Variants in KCNH6 observed in about 807,000 individuals in gnomAD.
The protein encoded by KCNH6 is potassium voltage-gated channel subfamily H member 6.
Under a neutral mutation model 83.4 loss-of-function variants are expected in KCNH6, and 81 were observed. That is an observed-to-expected ratio of 0.97 (90% CI 0.81 to 1.17). The LOEUF (loss-of-function observed/expected upper bound fraction) is 1.17, where lower values mean the gene tolerates loss of function less well. Among genes scored for constraint, KCNH6 ranks in the 50% most tolerant of loss-of-function variants. The pLI is 0.00. For synonymous variants in KCNH6, 503 were observed against 545.6 expected (o/e 0.92, Z 1.09); for missense variants, 1,203 against 1,290.5 (o/e 0.93, Z 1.04).
At position 63,533,479 on chromosome 17, in the gene KCNH6, A is replaced by G. The variant is rs972274404; in HGVS notation, c.676-407A>G. Among the ~76,000 whole-genome samples, 6 of 151,962 alleles carry G rather than the reference A, an allele frequency of 3.9e-5. No homozygotes were observed. Among genetic ancestry groups the G allele is most frequent in the African/African-American group, 1.5e-4 (6 of 41,346 alleles). ...AACCCTGACCATAGGGAGCCTCCTAAGCTCACCAGAGAGGATCAGCCCATC... is the reference window on the plus strand; with the variant it reads ...AACCCTGACCATAGGGAGCCTCCTAGGCTCACCAGAGAGGATCAGCCCATC... On this transcript the variant is annotated intron_variant, in intron 4 of 12. Transcript: ENST00000314672. The surrounding 1 kb of genome is among the most constrained non-coding windows in gnomAD (Gnocchi z 4.1).
chr17:63,536,034 G>A lies in KCNH6; in HGVS notation c.1467G>A (p.Glu489=), dbSNP rs2032476518. Residue 489 remains glutamate, a synonymous_variant, in exon 6 of 13, where the codon GAG becomes GAA. Coordinates refer to ENST00000314672, the MANE Select transcript of KCNH6 (RefSeq NM_001278919.2). ...FGNVSPNTNS[E]KVFSICVMLI... ...ATGTCTCGCCCAACACCAACTCCGAGAAGGTCTTCTCCATCTGCGTCATGC... is the reference window on the plus strand; with the variant it reads ...ATGTCTCGCCCAACACCAACTCCGAAAAGGTCTTCTCCATCTGCGTCATGC... 2.5e-6 allele frequency: 4 copies of A among 1,613,570 alleles called. No homozygotes were observed. The highest frequency in any genetic ancestry group is 3.4e-6 in the Non-Finnish European group (4 of 1,180,028).
chr17:63,523,627 G>T lies in KCNH6; in HGVS notation c.76+138G>T. 1 of 692,722 alleles carries T rather than the reference G, an allele frequency of 1.4e-6. No homozygotes were observed. The highest frequency in any genetic ancestry group is 2.3e-6 in the Non-Finnish European group (1 of 428,928). The allele number at this position is 692,722 out of a possible 1,614,324, so 42.9% of individuals were successfully genotyped here. A position where few individuals can be genotyped will look rare whatever the true frequency, so the allele number is the denominator to read the frequency against. ...CTGAATGAAAAATCCTTCTTTTGAT[G>T]TCCCCAACACCTTCTCCTCCAGGGG... On this transcript the variant is annotated intron_variant, in intron 1 of 12. Coordinates refer to ENST00000314672, the MANE Select transcript of KCNH6 (RefSeq NM_001278919.2). This position sits in a 1 kb window ranked among gnomAD's most constrained non-coding sequence, Gnocchi z 4.2.
At chr17:63,524,036 G>A in intron 1 of KCNH6, 103 bp from the exon 2 acceptor site, 1 of 813,854 alleles carries the variant, frequency 1.2e-6, no homozygotes, top group East Asian at 2.4e-5. Context: ...CTGCTCCTCT[G>A]CCTAAATTCC....
chr17:63,526,554 C>T (rs1483876044), intron 2 of KCNH6, among the ~76,000 whole-genome samples: 2 of 152,004 alleles, frequency 1.3e-5, no homozygotes, highest in Non-Finnish European at 2.9e-5. Flanking sequence ...ATGGGGGTCT[C>T]ACTATGTTGC....
At chr17:63,543,745 C>T in intron 10 of KCNH6, 85 bp downstream of exon 10, 1 of 822,492 alleles carries the variant, frequency 1.2e-6, no homozygotes, top group South Asian at 1.4e-5. Flanking sequence ...ATCCTGCCTC[C>T]CCAGCGCCAC....
At chr17:63,539,751 T>C (rs1320555330) in intron 8 of KCNH6, among the ~76,000 whole-genome samples, 1 of 152,056 alleles carries the variant, frequency 6.6e-6, no homozygotes, top group Non-Finnish European at 1.5e-5. Context: ...CCTCTTTGGG[T>C]CCTTCCTGGA....
At position 63,538,363 on chromosome 17, in the gene KCNH6, G is replaced by A; in HGVS notation, c.1702-47G>A. ...AGAGCCCTCACCACCCTCTCCCCCA[G>A]CCCCACCCCGGCCGCGTCCCGCTGG... On this transcript the variant is annotated intron_variant, in intron 7 of 12. Coordinates refer to ENST00000314672, the MANE Select transcript of KCNH6 (RefSeq NM_001278919.2). The surrounding 1 kb of genome is among the most constrained non-coding windows in gnomAD (Gnocchi z 4.0). The A allele has an allele frequency of 6.3e-7, 1 of 1,592,598 alleles. No homozygotes were observed. The highest frequency in any genetic ancestry group is 1.1e-5 in the South Asian group (1 of 89,570).
rs1229265149 is a variant in KCNH6 at position 63,538,699 on chromosome 17, A to T, written c.1954+37A>T. ...GGAGTGGACCAGGCCTGTGTTGGGG[A>T]TTGGATGGAAGAGGGCGGGATTGGA... On this transcript the variant is annotated intron_variant, in intron 8 of 12. Transcript: ENST00000314672. The surrounding 1 kb of genome is among the most constrained non-coding windows in gnomAD (Gnocchi z 4.0). 1 of 1,531,458 alleles carries T rather than the reference A, an allele frequency of 6.5e-7. No homozygotes were observed. The highest frequency in any genetic ancestry group is 2.3e-5 in the East Asian group (1 of 43,872). The allele number at this position is 1,531,458 out of a possible 1,614,324, so 94.9% of individuals were successfully genotyped here.
downstream of KCNH6, among the ~76,000 whole-genome samples, chr17:63,547,481 T>C (rs1312845163): frequency 1.3e-5 from 2 of 152,408 alleles, no homozygotes; most frequent in East Asian, 3.9e-4. Flanking sequence ...TAGCAGCGAT[T>C]TGAGAGCCAC....
chr17:63,530,471 A>G lies in KCNH6; in HGVS notation c.604A>G (p.Thr202Ala), dbSNP rs751708502. The part of the protein sequence containing the change: ...NLEKHRSSST[T>A]EIEIIAPHKV... ...GGAGAAGCACCGCTCCAGCTCCACC[A>G]CGGAGATTGAGATCATCGCGCCCCA... Residue 202 changes from threonine to alanine, a missense_variant, in exon 4 of 13, where the codon ACG becomes GCG. Coordinates refer to ENST00000314672, the MANE Select transcript of KCNH6 (RefSeq NM_001278919.2). 19 of 1,614,092 alleles carry G rather than the reference A, an allele frequency of 1.2e-5. No individual in the cohort carries two copies. Among genetic ancestry groups the G allele is most frequent in the Middle Eastern group, 1.6e-4 (1 of 6,084 alleles).
chr17:63,525,084 A>G (rs958700972), intron 2 of KCNH6, among the ~76,000 whole-genome samples: 17 of 152,196 alleles, frequency 1.1e-4, no homozygotes, highest in African/African-American at 4.1e-4. Context: ...AATGGCCCCC[A>G]ACCTGGTTCT....
chr17:63,540,479 A>T (rs992726196), intron 8 of KCNH6, among the ~76,000 whole-genome samples: 2 of 152,124 alleles, frequency 1.3e-5, no homozygotes, highest in African/African-American at 4.8e-5. Context: ...ATTATTATTA[A>T]TAATTAAGAA....
At chr17:63,527,070 C>T (rs931424405) in intron 2 of KCNH6, among the ~76,000 whole-genome samples, 6 of 152,274 alleles carry the variant, frequency 3.9e-5, no homozygotes, top group South Asian at 2.1e-4. Flanking sequence ...GGCACCTGCC[C>T]GGGAGCCCAC....
Position 63,538,920 on chromosome 17 carries a change from T to G in KCNH6, c.1954+258T>G, listed in dbSNP as rs2032703593. ...TGCTAGTCTGTGGCCAGGCAGGGAT[T>G]CCAGGGCTGCCAGTGTGACTCAGAA... On this transcript the variant is annotated intron_variant, in intron 8 of 12. Coordinates refer to ENST00000314672, the MANE Select transcript of KCNH6 (RefSeq NM_001278919.2). The surrounding 1 kb of genome is among the most constrained non-coding windows in gnomAD (Gnocchi z 4.0). 6.6e-6 allele frequency among the ~76,000 whole-genome samples: 1 copy of G among 152,106 alleles called. No homozygotes were observed. The highest frequency in any genetic ancestry group is 2.1e-4 in the South Asian group (1 of 4,822).
chr17:63,539,374 G>A (rs1363306275), intron 8 of KCNH6, among the ~76,000 whole-genome samples: 10 of 151,788 alleles, frequency 6.6e-5, no homozygotes, highest in Non-Finnish European at 2.9e-5. Flanking sequence ...TGCTCTCCTC[G>A]CCCCTCCTCA....
At chr17:63,547,965 T>TA (rs58169236), downstream of KCNH6, among the ~76,000 whole-genome samples, 4,638 of 133,080 alleles carry the variant, frequency 0.035, 99 homozygotes, top group Non-Finnish European at 0.045. Context: ...CTCGGTCTCT[T>TA]AAAAAAAAAA....
Position 63,523,383 on chromosome 17 carries a change from T to G in KCNH6, c.-31T>G. 1 of 1,567,158 alleles carries G rather than the reference T, an allele frequency of 6.4e-7. No homozygotes were observed. On this transcript the variant is annotated 5_prime_UTR_variant, in exon 1 of 13. Coordinates refer to ENST00000314672, the MANE Select transcript of KCNH6 (RefSeq NM_001278919.2). This position sits in a 1 kb window ranked among gnomAD's most constrained non-coding sequence, Gnocchi z 4.2. ...GGAGACGCCGGGAGCCAGTGGCGCC[T>G]GTGGCTCCGGGCAGGGGCCGCGGCC...
chr17:63,543,773 G>A (rs2033003176), intron 10 of KCNH6, 113 bp downstream of exon 10: 13 of 722,142 alleles, frequency 1.8e-5, no homozygotes, highest in South Asian at 3.2e-5. Context: ...CATGAGTGGA[G>A]AGGGGCTCCC....
In KCNH6 at chr17:63,533,539, G is replaced by GTC. The variant is rs2032260750; in HGVS notation, c.676-345_676-344dup. Reference sequence around the variant, plus strand: ...TTCTGTGGGCTCTTGTGTGGAATGGGTCTATAGATGTCCATGGGCCTGGCC... The same window carrying GTC: ...TTCTGTGGGCTCTTGTGTGGAATGGGTCTCTATAGATGTCCATGGGCCTGGCC... On this transcript the variant is annotated intron_variant, in intron 4 of 12. Transcript: ENST00000314672. The surrounding 1 kb of genome is among the most constrained non-coding windows in gnomAD (Gnocchi z 4.1). Among the ~76,000 whole-genome samples, 1 of 151,924 alleles carries GTC rather than the reference G, an allele frequency of 6.6e-6. No individual in the cohort carries two copies. The highest frequency in any genetic ancestry group is 1.5e-5 in the Non-Finnish European group (1 of 67,930).
Sources: allele counts gnomAD v4.1 joint callset (sites outside exome capture counted in the v4.1 genomes callset), GRCh38; gene constraint gnomAD v4.1.1; non-coding constraint Gnocchi (gnomAD v3.1); transcripts MANE v1.5; gene names NCBI Gene and HGNC (gene_info 2026-07-23, HGNC 2026-07-21).